The following NKAIN2 variants were observed in gnomAD, a reference collection of about 807,000 sequenced individuals.
NKAIN2 encodes the protein sodium/potassium transporting ATPase interacting 2, also known as sodium/potassium-transporting ATPase subunit beta-1-interacting protein 2.
In NKAIN2, 14 loss-of-function variants were observed where a neutral mutation model predicts 32.6. That is an observed-to-expected ratio of 0.43 (90% CI 0.28 to 0.67). The LOEUF (loss-of-function observed/expected upper bound fraction) is 0.67, where lower values mean the gene tolerates loss of function less well. Among genes scored for constraint, NKAIN2 ranks in the 30% least tolerant of loss-of-function variants. The pLI is 0.17. For synonymous variants in NKAIN2, 80 were observed against 87.2 expected, an observed-to-expected ratio of 0.92 and a Z score of 0.46; for missense variants, 198 against 258.3, an observed-to-expected ratio of 0.77 and a Z score of 1.60.
intron 3 of NKAIN2, among the ~76,000 whole-genome samples, chr6:124,411,111 C>A (rs1055293070): frequency 4.0e-5 from 6 of 151,874 alleles, no homozygotes; most frequent in Admixed American, 2.0e-4. Flanking sequence ...ATACAGCACA[C>A]TGATGGGTCT....
At chr6:124,758,748 G>T (rs2114728501) in intron 4 of NKAIN2, among the ~76,000 whole-genome samples, 1 of 152,208 alleles carries the variant, frequency 6.6e-6, no homozygotes, top group Non-Finnish European at 1.5e-5. Context: ...GTTCCTCATT[G>T]TCCATTGAAT....
At chr6:123,969,475 A>T (rs1778240395) in intron 1 of NKAIN2, among the ~76,000 whole-genome samples, 1 of 152,202 alleles carries the variant, frequency 6.6e-6, no homozygotes, top group African/African-American at 2.4e-5. Flanking sequence ...ACTGGCACAC[A>T]TTTATGTAGA....
intron 3 of NKAIN2, among the ~76,000 whole-genome samples, chr6:124,622,145 C>T (rs954420628): frequency 2.0e-5 from 3 of 152,174 alleles, no homozygotes; most frequent in Non-Finnish European, 4.4e-5. Flanking sequence ...AGAATCCTTC[C>T]TTGCTTCTTC....
chr6:124,769,228 C>T (rs567084263), intron 4 of NKAIN2, among the ~76,000 whole-genome samples: 5 of 152,208 alleles, frequency 3.3e-5, no homozygotes, highest in South Asian at 2.1e-4. Flanking sequence ...AGGTGACACT[C>T]GGTGAGACAT....
chr6:123,918,440 C>G (rs1312512562), intron 1 of NKAIN2, among the ~76,000 whole-genome samples: 1 of 152,160 alleles, frequency 6.6e-6, no homozygotes, highest in Non-Finnish European at 1.5e-5. Flanking sequence ...CTTCATTTCA[C>G]TCTGTTAGTG....
At chr6:124,816,203 G>A (rs1353173445) in intron 5 of NKAIN2, among the ~76,000 whole-genome samples, 1 of 152,144 alleles carries the variant, frequency 6.6e-6, no homozygotes, top group African/African-American at 2.4e-5. Flanking sequence ...CATGCTATAT[G>A]AGTCCAGTGA....
At chr6:124,113,612 C>T (rs1462830579) in intron 1 of NKAIN2, among the ~76,000 whole-genome samples, 1 of 152,020 alleles carries the variant, frequency 6.6e-6, no homozygotes, top group Non-Finnish European at 1.5e-5. Context: ...TTCTCTGTGT[C>T]CCCCCGCCCC....
chr6:124,632,279 C>T (rs1012288976), intron 3 of NKAIN2, among the ~76,000 whole-genome samples: 3 of 152,098 alleles, frequency 2.0e-5, no homozygotes, highest in Admixed American at 1.3e-4. Flanking sequence ...AGATAATGAT[C>T]ACTTTGTATA....
At chr6:123,983,244 A>G (rs1235228399) in intron 1 of NKAIN2, among the ~76,000 whole-genome samples, 1 of 152,216 alleles carries the variant, frequency 6.6e-6, no homozygotes, top group Non-Finnish European at 1.5e-5. Flanking sequence ...AAAGAGCTGA[A>G]AGAGCTCTCT....
chr6:124,738,978 A>C (rs1777076743), intron 4 of NKAIN2, among the ~76,000 whole-genome samples: 1 of 151,878 alleles, frequency 6.6e-6, no homozygotes, highest in Non-Finnish European at 1.5e-5. Context: ...TTTAACTCTA[A>C]TTCTGCTATA....
At chr6:124,009,300 A>G (rs1780215602) in intron 1 of NKAIN2, among the ~76,000 whole-genome samples, 1 of 152,026 alleles carries the variant, frequency 6.6e-6, no homozygotes, top group African/African-American at 2.4e-5. Flanking sequence ...TTATCTAGCC[A>G]CCTTGCTGTG....
intron 3 of NKAIN2, among the ~76,000 whole-genome samples, chr6:124,612,236 AC>A (rs1232724380): frequency 6.6e-6 from 1 of 151,898 alleles, no homozygotes; most frequent in African/African-American, 2.4e-5. Context: ...TTATGTGAAA[AC>A]TGCTAGGGGG....
At chr6:124,208,156 TAGC>T (rs1051824128) in intron 1 of NKAIN2, among the ~76,000 whole-genome samples, 2 of 151,926 alleles carry the variant, frequency 1.3e-5, no homozygotes, top group Admixed American at 6.6e-5. Context: ...CTGGCTCTAT[TAGC>T]AGGCTGCTTT....
intron 1 of NKAIN2, among the ~76,000 whole-genome samples, chr6:123,820,096 C>A (rs1312931303): frequency 2.0e-5 from 3 of 152,106 alleles, no homozygotes; most frequent in Non-Finnish European, 4.4e-5. Context: ...GTAATAATAC[C>A]AGGCTAGAGC....
At chr6:124,269,426 C>A (rs1794646840) in intron 1 of NKAIN2, among the ~76,000 whole-genome samples, 1 of 143,618 alleles carries the variant, frequency 7.0e-6, no homozygotes, top group Admixed American at 7.1e-5. Flanking sequence ...GTGGCAATTT[C>A]TTTTTCTTTT....
intron 4 of NKAIN2, among the ~76,000 whole-genome samples, chr6:124,740,932 T>A (rs1294587605): frequency 1.3e-5 from 2 of 151,876 alleles, no homozygotes; most frequent in Non-Finnish European, 2.9e-5. Context: ...GAAGGACCAG[T>A]TTGGAAGCTC....
At chr6:124,486,467 GT>G (rs1204324431) in intron 3 of NKAIN2, among the ~76,000 whole-genome samples, 1 of 152,040 alleles carries the variant, frequency 6.6e-6, no homozygotes, top group African/African-American at 2.4e-5. Context: ...GTATTATTCT[GT>G]ATTTTGGAAT....
intron 3 of NKAIN2, among the ~76,000 whole-genome samples, chr6:124,586,504 C>T (rs1781715261): frequency 6.6e-6 from 1 of 151,950 alleles, no homozygotes; most frequent in South Asian, 2.1e-4. Context: ...GGCTTATTAC[C>T]TGGGTGACAA....
At chr6:123,992,906 A>G (rs978270520) in intron 1 of NKAIN2, among the ~76,000 whole-genome samples, 2 of 152,186 alleles carry the variant, frequency 1.3e-5, no homozygotes, top group African/African-American at 4.8e-5. Context: ...ATATGTCAAA[A>G]CTACTAAAGG....
Sources: allele counts gnomAD v4.1 joint callset (sites outside exome capture counted in the v4.1 genomes callset), GRCh38; gene constraint gnomAD v4.1.1; transcripts MANE v1.5; gene names NCBI Gene and HGNC (gene_info 2026-07-23, HGNC 2026-07-21).